The following ULK4 variants were observed in gnomAD, a reference collection of about 807,000 sequenced individuals.
ULK4 encodes the protein unc-51 like kinase 4.
In ULK4, 133 loss-of-function variants were observed where a neutral mutation model predicts 160.6. The observed-to-expected ratio is 0.83, with a 90% confidence interval of 0.72 to 0.96. The LOEUF (loss-of-function observed/expected upper bound fraction) is 0.96, where lower values mean the gene tolerates loss of function less well. Ranked by LOEUF, ULK4 falls within the 40% of genes least tolerant of loss-of-function variation. The pLI is 0.00. For synonymous variants in ULK4, 534 were observed against 539.8 expected, an observed-to-expected ratio of 0.99 and a Z score of 0.15; for missense variants, 1,580 against 1,499.5, an observed-to-expected ratio of 1.05 and a Z score of -0.89.
intron 34 of ULK4, among the ~76,000 whole-genome samples, chr3:41,439,193 C>T (rs2083102889): frequency 6.6e-6 from 1 of 152,042 alleles, no homozygotes; most frequent in Non-Finnish European, 1.5e-5. Context: ...GAACCTGGAC[C>T]AAATTCACTG....
intron 32 of ULK4, among the ~76,000 whole-genome samples, chr3:41,501,607 A>G (rs1266320544): frequency 6.6e-6 from 1 of 152,216 alleles, no homozygotes; most frequent in Non-Finnish European, 1.5e-5. Flanking sequence ...ATATTATGGA[A>G]TAATTAAATC....
At chr3:41,306,856 T>C (rs1019415775) in intron 35 of ULK4, among the ~76,000 whole-genome samples, 46 of 151,648 alleles carry the variant, frequency 3.0e-4, no homozygotes, top group African/African-American at 1.1e-3. Flanking sequence ...CCCCCAACCC[T>C]GTGCTCTCTG....
At chr3:41,662,946 C>T (rs531804021) in intron 30 of ULK4, among the ~76,000 whole-genome samples, 4 of 151,890 alleles carry the variant, frequency 2.6e-5, no homozygotes, top group South Asian at 2.1e-4. Context: ...GTCGGCCGGG[C>T]GGGGTGGCTC....
At chr3:41,259,389 G>C (rs1283987753) in intron 35 of ULK4, among the ~76,000 whole-genome samples, 1 of 152,136 alleles carries the variant, frequency 6.6e-6, no homozygotes, top group Admixed American at 6.5e-5. Context: ...CTAGCAAGTG[G>C]AGCCATCCTA....
chr3:41,588,360 A>G (rs1443932495), intron 31 of ULK4, among the ~76,000 whole-genome samples: 1 of 152,362 alleles, frequency 6.6e-6, no homozygotes, highest in African/African-American at 2.4e-5. Flanking sequence ...AATTACATTC[A>G]ATTCAAAGAT....
intron 25 of ULK4, among the ~76,000 whole-genome samples, chr3:41,706,290 C>G (rs1481407331): frequency 1.3e-5 from 2 of 150,360 alleles, no homozygotes; most frequent in Non-Finnish European, 2.9e-5. Flanking sequence ...AGGCAGAGCA[C>G]CCATGTTACT....
At chr3:41,418,506 T>C (rs1310020849) in intron 34 of ULK4, among the ~76,000 whole-genome samples, 3 of 152,204 alleles carry the variant, frequency 2.0e-5, no homozygotes, top group South Asian at 4.1e-4. Flanking sequence ...CTACTCTTTG[T>C]CCAGTTCAGT....
At chr3:41,596,810 G>C (rs924936135) in intron 31 of ULK4, among the ~76,000 whole-genome samples, 6 of 152,148 alleles carry the variant, frequency 3.9e-5, no homozygotes, top group African/African-American at 9.7e-5. Context: ...ATATGAAAAT[G>C]AAAGTCACCA....
At chr3:41,954,016 T>C (rs1489010902) in intron 2 of ULK4, among the ~76,000 whole-genome samples, 1 of 151,596 alleles carries the variant, frequency 6.6e-6, no homozygotes, top group East Asian at 1.9e-4. Context: ...ACCCCGTCTT[T>C]ACTAAAAATA....
At chr3:41,954,070 C>T (rs183186830) in intron 2 of ULK4, among the ~76,000 whole-genome samples, 4 of 150,074 alleles carry the variant, frequency 2.7e-5, no homozygotes, top group East Asian at 2.0e-4. Context: ...TACAGCTACT[C>T]GGGAGGCTGA....
At chr3:41,550,504 T>A (rs945263723) in intron 32 of ULK4, among the ~76,000 whole-genome samples, 1 of 151,894 alleles carries the variant, frequency 6.6e-6, no homozygotes, top group Non-Finnish European at 1.5e-5. Flanking sequence ...TAAGATAAAA[T>A]ACACTCAAAA....
intron 30 of ULK4, among the ~76,000 whole-genome samples, chr3:41,632,948 G>A (rs2033807310): frequency 6.6e-6 from 1 of 152,176 alleles, no homozygotes; most frequent in African/African-American, 2.4e-5. Context: ...GGAGGAAAGT[G>A]CATGAGGGAA....
chr3:41,782,294 G>A (rs188699553), intron 21 of ULK4, among the ~76,000 whole-genome samples: 51 of 151,926 alleles, frequency 3.4e-4, no homozygotes, highest in African/African-American at 1.1e-3. Flanking sequence ...TTCTGTTCTT[G>A]TCCTGTTTAG....
At chr3:41,661,310 A>G (rs2125758044) in intron 30 of ULK4, among the ~76,000 whole-genome samples, 1 of 152,330 alleles carries the variant, frequency 6.6e-6, no homozygotes, top group South Asian at 2.1e-4. Context: ...TGAAAAAGCA[A>G]ACTTCATAGA....
intron 31 of ULK4, among the ~76,000 whole-genome samples, chr3:41,584,347 G>T (rs1475099218): frequency 6.6e-6 from 1 of 151,974 alleles, no homozygotes; most frequent in Non-Finnish European, 1.5e-5. Context: ...GCTGGAGTGC[G>T]GTGGTGTGCG....
chr3:41,444,229 T>G (rs918319052), intron 34 of ULK4, among the ~76,000 whole-genome samples: 4 of 152,166 alleles, frequency 2.6e-5, no homozygotes, highest in African/African-American at 7.2e-5. Context: ...AATTTTCCCT[T>G]ATTACTAATG....
chr3:41,946,729 T>C lies in ULK4; in HGVS notation c.138+7893A>G, dbSNP rs867589463. Among the ~76,000 whole-genome samples the C allele has an allele frequency of 1.3e-4, 20 of 152,296 alleles. No individual in the cohort carries two copies. In the Middle Eastern group the frequency reaches 0.014, roughly 104 times the overall value. ...AAGTTGTATTCTCATGGTGAGATAG[T>C]TTCTCTGTTGTGATCAGGTTTCCAT... On this transcript the variant is annotated intron_variant, in intron 2 of 36. Coordinates refer to ENST00000301831, the MANE Select transcript of ULK4 (RefSeq NM_017886.4).
At chr3:41,447,489 C>A (rs904214903) in intron 34 of ULK4, among the ~76,000 whole-genome samples, 1 of 152,048 alleles carries the variant, frequency 6.6e-6, no homozygotes, top group African/African-American at 2.4e-5. Context: ...TACATGACAG[C>A]CACTCAAGAC....
At chr3:41,639,547 G>A (rs1240910666) in intron 30 of ULK4, among the ~76,000 whole-genome samples, 3 of 152,120 alleles carry the variant, frequency 2.0e-5, no homozygotes, top group Non-Finnish European at 4.4e-5. Flanking sequence ...GGATAACATG[G>A]TGAAACCCCA....
Sources: gnomAD v4.1 joint callset for allele counts (sites outside exome capture counted in the v4.1 genomes callset) on GRCh38, gnomAD v4.1.1 for gene constraint, MANE v1.5 for transcripts, NCBI Gene and HGNC (gene_info 2026-07-23, HGNC 2026-07-21) for gene names.